The following ZNF112 variants were observed in gnomAD, a reference collection of about 807,000 sequenced individuals.
ZNF112 encodes the protein zinc finger protein 112.
In ZNF112, 37 loss-of-function variants were observed where a neutral mutation model predicts 77.7. The observed-to-expected ratio is 0.48, with a 90% CI of 0.37 to 0.63. The LOEUF (loss-of-function observed/expected upper bound fraction) is 0.63, where lower values mean the gene tolerates loss of function less well. ZNF112 is among the 20% of genes least tolerant of loss of function. ZNF112 has a pLI of 0.00. For missense variants in ZNF112, 950 were observed against 1,077.4 expected, an observed-to-expected ratio of 0.88 and a Z score of 1.66; for synonymous variants, 333 against 363.6, an observed-to-expected ratio of 0.92 and a Z score of 0.96.
chr19:44,345,736 G>T (rs1272686866), intron 1 of ZNF112, among the ~76,000 whole-genome samples: 1 of 152,124 alleles, frequency 6.6e-6, no homozygotes, highest in Admixed American at 6.5e-5. Context: ...ATGTCTGTCT[G>T]CTCATTTTCT....
rs1970198029 is a variant in ZNF112, at chr19:44,328,863, T to C, written c.1294A>G (p.Met432Val). The C allele has an allele frequency of 1.2e-6, 2 of 1,614,034 alleles. No homozygotes were observed. The highest frequency in any genetic ancestry group is 1.1e-5 in the South Asian group (1 of 91,078). The change falls in exon 4 of 4, where the codon ATG (methionine) becomes GTG (valine). Residue 432 changes from methionine to valine, a missense_variant. Met to Val is a conservative substitution (Grantham distance 21). Transcript: ENST00000354340. ...SNLDIQHRVH[M>V]EENSYNSEEC... ...TCAGAATTATATGAATTCTCTTCCA[T>C]ATGAACCCTATGCTGAATGTCAAGA...
intron 3 of ZNF112, among the ~76,000 whole-genome samples, chr19:44,334,975 C>T (rs564121618): frequency 6.6e-5 from 10 of 152,306 alleles, no homozygotes; most frequent in South Asian, 2.1e-4. Context: ...AGAGGGCCAC[C>T]GTCCTCCAGA....
upstream of ZNF112, among the ~76,000 whole-genome samples, chr19:44,359,127 G>A (rs1282910587): frequency 6.6e-6 from 1 of 151,984 alleles, no homozygotes; most frequent in Non-Finnish European, 1.5e-5. Flanking sequence ...TGAGCTCAGA[G>A]ACAGCAGAAC....
upstream of ZNF112, among the ~76,000 whole-genome samples, chr19:44,360,100 C>CAAAAAAAAAAAA (rs56320020): frequency 1.3e-5 from 2 of 148,960 alleles, no homozygotes; most frequent in Non-Finnish European, 1.5e-5. Flanking sequence ...ACTAAAAATA[C>CAAAAAAAAAAAA]AAAAAAAAAG....
At chr19:44,333,599 G>C (rs557732386) in intron 3 of ZNF112, among the ~76,000 whole-genome samples, 2 of 152,274 alleles carry the variant, frequency 1.3e-5, no homozygotes, top group East Asian at 3.9e-4. Flanking sequence ...GAGTTCTCAA[G>C]AGATCTGGTT....
chr19:44,343,417 G>A (rs1243414332), intron 1 of ZNF112: 15 of 814,188 alleles, frequency 1.8e-5, no homozygotes, highest in African/African-American at 8.8e-5. Flanking sequence ...ACACACCGGC[G>A]TTAAGGAGCA....
chr19:44,358,021 G>A (rs1372360103), upstream of ZNF112, among the ~76,000 whole-genome samples: 5 of 152,072 alleles, frequency 3.3e-5, no homozygotes, highest in Non-Finnish European at 5.9e-5. Flanking sequence ...GCGTGGTGGC[G>A]GGCACCTGTA....
chr19:44,346,763 T>C (rs980646192), intron 1 of ZNF112, among the ~76,000 whole-genome samples: 1 of 152,118 alleles, frequency 6.6e-6, no homozygotes, highest in East Asian at 1.9e-4. Context: ...AATGGAGAAT[T>C]TGACACAGTT....
upstream of ZNF112, among the ~76,000 whole-genome samples, chr19:44,358,977 C>A (rs562437964): frequency 6.6e-6 from 1 of 152,276 alleles, no homozygotes; most frequent in African/African-American, 2.4e-5. Flanking sequence ...AGTACTTTTT[C>A]TTGTAGCAAC....
chr19:44,337,336 C>A (rs569090566), intron 2 of ZNF112, among the ~76,000 whole-genome samples: 1 of 82,328 alleles, frequency 1.2e-5, no homozygotes, highest in African/African-American at 4.7e-5. Flanking sequence ...AATATATATA[C>A]ATTTTGTATA....
chr19:44,331,904 AAAGC>A (rs1443235780), intron 3 of ZNF112, among the ~76,000 whole-genome samples: 6 of 152,360 alleles, frequency 3.9e-5, no homozygotes, highest in Admixed American at 1.3e-4. Context: ...GCTGATGAGA[AAAGC>A]AAAGGTCACA....
intron 1 of ZNF112, among the ~76,000 whole-genome samples, chr19:44,364,068 C>G (rs1242451108): frequency 2.0e-5 from 3 of 152,138 alleles, no homozygotes; most frequent in African/African-American, 7.2e-5. Context: ...TGCCACCATG[C>G]CTGGCTAATT....
At chr19:44,350,296 T>A (rs577864696) in intron 1 of ZNF112, among the ~76,000 whole-genome samples, 34 of 152,168 alleles carry the variant, frequency 2.2e-4, no homozygotes, top group African/African-American at 7.9e-4. Flanking sequence ...GATTTAACCA[T>A]CATCAGTTGC....
chr19:44,331,519 T>C (rs931582009), intron 3 of ZNF112, among the ~76,000 whole-genome samples: 3 of 152,246 alleles, frequency 2.0e-5, no homozygotes, highest in Non-Finnish European at 2.9e-5. Flanking sequence ...ACATGCATTC[T>C]TCTAACACTT....
intron 1 of ZNF112, among the ~76,000 whole-genome samples, chr19:44,356,113 G>A (rs537344623): frequency 1.2e-4 from 18 of 152,304 alleles, no homozygotes; most frequent in African/African-American, 4.3e-4. Context: ...TGCAGCTGGA[G>A]CTCTGACCCC....
chr19:44,327,272 TCCCTCGTGAAAC>T lies in ZNF112; in HGVS notation c.*149_*160del, dbSNP rs1970140086. 1 of 599,324 alleles carries T rather than the reference TCCCTCGTGAAAC, an allele frequency of 1.7e-6. No homozygotes were observed. Among genetic ancestry groups the T allele is most frequent in the Non-Finnish European group, 2.9e-6 (1 of 348,708 alleles). The allele number at this position is 599,324 out of a possible 1,614,324, so 37.1% of individuals were successfully genotyped here. A position where few individuals can be genotyped will look rare whatever the true frequency, so the allele number is the denominator to read the frequency against. On this transcript the variant is annotated 3_prime_UTR_variant, in exon 4 of 4. Coordinates refer to ENST00000354340, the MANE Select transcript of ZNF112 (RefSeq NM_013380.4). ...GACTGATGTTAAAGTTCTAACAAAA[TCCCTCGTGAAAC>T]CCCTCTCATTAAATGTCTCTGTTGT...
chr19:44,337,336 CATTT>C (rs1970390230), intron 2 of ZNF112, among the ~76,000 whole-genome samples: 6 of 82,302 alleles, frequency 7.3e-5, no homozygotes, highest in South Asian at 4.1e-4. Context: ...AATATATATA[CATTT>C]TGTATATGTG....
At chr19:44,339,878 T>G (rs1195911142) in intron 2 of ZNF112, among the ~76,000 whole-genome samples, 2 of 152,126 alleles carry the variant, frequency 1.3e-5, no homozygotes, top group South Asian at 2.1e-4. Flanking sequence ...TATATTAACT[T>G]ACCCTCAAGT....
At chr19:44,342,196 T>C (rs139542890) in intron 1 of ZNF112, among the ~76,000 whole-genome samples, 81 of 152,254 alleles carry the variant, frequency 5.3e-4, no homozygotes, top group African/African-American at 1.9e-3. Flanking sequence ...CAAACATATA[T>C]AGATAAACAC....
Sources: allele counts gnomAD v4.1 joint callset (sites outside exome capture counted in the v4.1 genomes callset), GRCh38; gene constraint gnomAD v4.1.1; transcripts MANE v1.5; gene names NCBI Gene and HGNC (gene_info 2026-07-23, HGNC 2026-07-21).